The following SMG7 variants were observed in gnomAD, a reference collection of about 807,000 sequenced individuals.
SMG7 encodes the protein nonsense-mediated mRNA decay factor SMG7.
A neutral mutation model predicts 148.2 loss-of-function variants in SMG7; 34 were observed. The observed-to-expected ratio is 0.23, with a 90% CI of 0.17 to 0.31. SMG7 has a LOEUF of 0.31. Among genes scored for constraint, SMG7 ranks in the 10% least tolerant of loss-of-function variants. The probability of loss-of-function intolerance (pLI) is 1.00; values close to 1 mark genes in which losing one functional copy is unlikely to be tolerated. For synonymous variants in SMG7, 492 were observed against 515.1 expected (o/e 0.96, Z 0.61); for missense variants, 1,114 against 1,408.4 (o/e 0.79, Z 3.35).
chr1:183,551,220 A>G, intron 22 of SMG7, 30 bp downstream of exon 22: 1 of 1,542,794 alleles, frequency 6.5e-7, no homozygotes, highest in South Asian at 1.3e-5. Context: ...AAGAACCACA[A>G]GATTATTACA....
At chr1:183,548,451 A>G (rs1429206305) in intron 18 of SMG7, among the ~76,000 whole-genome samples, 5 of 151,812 alleles carry the variant, frequency 3.3e-5, no homozygotes, top group Non-Finnish European at 1.5e-5. Context: ...TGTCCCTTTC[A>G]TTGGAAATGG....
intron 10 of SMG7, among the ~76,000 whole-genome samples, chr1:183,535,800 A>C (rs1038914954): frequency 1.3e-5 from 2 of 152,134 alleles, no homozygotes; most frequent in Admixed American, 6.5e-5. Flanking sequence ...CTTTTTCTAC[A>C]GTGTTTTCTC....
chr1:183,486,528 AGCCTGC>A (rs1655461466), intron 1 of SMG7, among the ~76,000 whole-genome samples: 1 of 152,124 alleles, frequency 6.6e-6, no homozygotes, highest in African/African-American at 2.4e-5. Flanking sequence ...CTCCTGCCTC[AGCCTGC>A]TGAGTAGCTG....
At chr1:183,504,760 T>C (rs1347432536) in intron 1 of SMG7, among the ~76,000 whole-genome samples, 1 of 152,166 alleles carries the variant, frequency 6.6e-6, no homozygotes, top group Admixed American at 6.6e-5. Flanking sequence ...CCTCAGCTTA[T>C]CCCCCTCTTA....
intron 1 of SMG7, 26 bp downstream of exon 1, chr1:183,472,675 G>A: frequency 6.8e-7 from 1 of 1,461,342 alleles, no homozygotes; most frequent in Admixed American, 2.4e-5. Context: ...GGGCTGGTAC[G>A]TAGGGGGAGC....
Position 183,491,139 on chromosome 1 carries a change from C to T in SMG7, c.29+18490C>T, listed in dbSNP as rs563218460. 4.6e-5 allele frequency among the ~76,000 whole-genome samples: 7 copies of T among 152,286 alleles called. No individual in the cohort carries two copies. In the South Asian group the frequency reaches 1.5e-3, roughly 32 times the overall value. ...CCCTCTGTGCCTCAGGCAATCATTACTCTGATTTTTTTCAATGTTAAGTTT... is the reference window on the plus strand; with the variant it reads ...CCCTCTGTGCCTCAGGCAATCATTATTCTGATTTTTTTCAATGTTAAGTTT... On this transcript the variant is annotated intron_variant, in intron 1 of 22. Coordinates refer to ENST00000688051, the MANE Select transcript of SMG7 (RefSeq NM_001375584.1).
intron 8 of SMG7, among the ~76,000 whole-genome samples, chr1:183,531,377 T>G (rs1012355084): frequency 1.3e-5 from 2 of 152,146 alleles, no homozygotes; most frequent in Admixed American, 1.3e-4. Context: ...ATTTCTCAAC[T>G]GTAGTTGAAA....
At chr1:183,478,236 C>T (rs1300275006) in intron 1 of SMG7, among the ~76,000 whole-genome samples, 1 of 152,084 alleles carries the variant, frequency 6.6e-6, no homozygotes, top group East Asian at 1.9e-4. Flanking sequence ...GATTTTAGTC[C>T]ATGTGGTCCA....
intron 4 of SMG7, among the ~76,000 whole-genome samples, chr1:183,522,743 C>T (rs938991487): frequency 5.9e-5 from 9 of 151,312 alleles, no homozygotes; most frequent in African/African-American, 2.2e-4. Flanking sequence ...TGGTTATCCA[C>T]AGTAACATTT....
At chr1:183,504,332 T>G (rs1200558661) in intron 1 of SMG7, among the ~76,000 whole-genome samples, 2 of 151,122 alleles carry the variant, frequency 1.3e-5, no homozygotes, top group African/African-American at 4.9e-5. Flanking sequence ...TTGATTTATT[T>G]ATTTATTTAT....
chr1:183,543,845 G>A, intron 14 of SMG7, among the ~76,000 whole-genome samples: 1 of 152,114 alleles, frequency 6.6e-6, no homozygotes, highest in East Asian at 1.9e-4. Flanking sequence ...TATTCTGAAG[G>A]GTGGTAAAGT....
At position 183,553,354 on chromosome 1, in the gene SMG7, T is replaced by C. The variant is rs1344412545; in HGVS notation, c.*1423T>C. The C allele has an allele frequency of 1.2e-6, 1 of 841,128 alleles. No individual in the cohort carries two copies. Among genetic ancestry groups the C allele is most frequent in the Non-Finnish European group, 1.8e-6 (1 of 558,262 alleles). 52.1% of individuals were successfully genotyped at this position (841,128 alleles called of 1,614,324 possible). On this transcript the variant is annotated 3_prime_UTR_variant, in exon 23 of 23. Transcript: ENST00000688051. ...TCTAATTGTTCAATTGCTGTGCTAG[T>C]GGTAGGGTTTATTTTCTGGGAGGTC... is the stretch of plus-strand genomic sequence containing the variant.
intron 4 of SMG7, among the ~76,000 whole-genome samples, chr1:183,522,784 T>G (rs1383780218): frequency 1.3e-5 from 2 of 151,638 alleles, no homozygotes; most frequent in African/African-American, 2.4e-5. Flanking sequence ...GTTTTTTGTT[T>G]TTTTTTTTTA....
rs1222251433 is a variant in SMG7, at chr1:183,548,945, C to T, written c.2893-263C>T. The T allele has an allele frequency of 1.1e-4, 51 of 477,808 alleles. No individual in the cohort carries two copies. In the East Asian group the frequency reaches 1.8e-3, roughly 17 times the overall value. The allele number at this position is 477,808 out of a possible 1,614,324, so 29.6% of individuals were successfully genotyped here. A position where few individuals can be genotyped will look rare whatever the true frequency, so the allele number is the denominator to read the frequency against. ...CCATGCCTCATAAACACTCAGAGTG[C>T]TGTTTACCAGGGTCTCTGGTCCCTG... On this transcript the variant is annotated intron_variant, in intron 18 of 22. Coordinates refer to ENST00000688051, the MANE Select transcript of SMG7 (RefSeq NM_001375584.1).
chr1:183,516,443 G>A (rs1429739224), intron 3 of SMG7, among the ~76,000 whole-genome samples: 1 of 152,124 alleles, frequency 6.6e-6, no homozygotes, highest in Non-Finnish European at 1.5e-5. Flanking sequence ...AATTAAATAA[G>A]TTGGTAGTAT....
chr1:183,484,360 A>ATTT (rs35414239), intron 1 of SMG7, among the ~76,000 whole-genome samples: 2 of 144,964 alleles, frequency 1.4e-5, no homozygotes, highest in Admixed American at 6.9e-5. Flanking sequence ...CTGAAAAAAA[A>ATTT]TTTTTTTTTT....
chr1:183,546,178 C>T lies in SMG7; in HGVS notation c.2583C>T (p.Pro861=). The T allele has an allele frequency of 6.2e-7, 1 of 1,614,078 alleles. No homozygotes were observed. The highest frequency in any genetic ancestry group is 1.7e-5 in the Admixed American group (1 of 60,010). ...PFPMEPYNHN[P]SEVKVPEFYW... is the part of the protein sequence containing the mutation. The stretch of plus-strand genomic sequence containing the variant: ...CCATGGAGCCATATAACCATAATCC[C>T]TCAGAAGTCAAGGTCCCAGAATTCT... Residue 861 remains proline, a synonymous_variant, in exon 17 of 23, where the codon CCC becomes CCT. Coordinates refer to ENST00000688051, the MANE Select transcript of SMG7 (RefSeq NM_001375584.1).
chr1:183,503,794 A>G (rs1417957297), intron 1 of SMG7, among the ~76,000 whole-genome samples: 1 of 152,218 alleles, frequency 6.6e-6, no homozygotes, highest in Non-Finnish European at 1.5e-5. Flanking sequence ...TTTATTCCTC[A>G]TAGCAACTTT....
chr1:183,488,434 T>G (rs938967760), intron 1 of SMG7, among the ~76,000 whole-genome samples: 1 of 152,230 alleles, frequency 6.6e-6, no homozygotes, highest in Non-Finnish European at 1.5e-5. Context: ...TTTTCTCTTT[T>G]CACTCCAGTA....
Sources: allele counts gnomAD v4.1 joint callset (sites outside exome capture counted in the v4.1 genomes callset), GRCh38; gene constraint gnomAD v4.1.1; transcripts MANE v1.5; gene names NCBI Gene and HGNC (gene_info 2026-07-23, HGNC 2026-07-21).